LRP2: variants seen among roughly 807,000 people sequenced by gnomAD.
The protein encoded by LRP2 is LDL receptor related protein 2.
A neutral mutation model predicts 531.0 loss-of-function variants in LRP2; 172 were observed. The ratio of observed to expected loss-of-function variants is 0.32; its 90% CI spans 0.29 to 0.37. LRP2 has a LOEUF of 0.37. LRP2 is among the 10% of genes least tolerant of loss of function. The probability of loss-of-function intolerance (pLI) is 1.00; values close to 1 mark genes in which losing one functional copy is unlikely to be tolerated. For missense variants in LRP2, 5,167 were observed against 5,868.3 expected (o/e 0.88, Z 3.90); for synonymous variants, 1,992 against 2,027.6 (o/e 0.98, Z 0.47).
At chr2:169,310,478 G>A (rs1684562399) in intron 3 of LRP2, among the ~76,000 whole-genome samples, 2 of 152,098 alleles carry the variant, frequency 1.3e-5, no homozygotes, top group South Asian at 4.1e-4. Flanking sequence ...TTTGTCTTTG[G>A]TTCTGTTTAT....
At chr2:169,143,424 C>T (rs769625089) in intron 70 of LRP2, among the ~76,000 whole-genome samples, 22 of 152,130 alleles carry the variant, frequency 1.4e-4, no homozygotes, top group Admixed American at 3.3e-4. Flanking sequence ...GGGCGGATCA[C>T]GAGGTCAGGA....
At chr2:169,350,279 T>C (rs953602234) in intron 1 of LRP2, among the ~76,000 whole-genome samples, 9 of 152,136 alleles carry the variant, frequency 5.9e-5, no homozygotes, top group African/African-American at 2.2e-4. Flanking sequence ...ATTTCAGACA[T>C]GTGAAGTCTG....
Position 169,206,004 on chromosome 2 carries a change from A to G in LRP2, c.7556+19T>C, listed in dbSNP as rs746189818. Reference sequence around the variant, plus strand: ...AGAAATAAGCAGACAGAAATATAACAAGGAAGATGATGGCATACCCTTGGC... The same window carrying G: ...AGAAATAAGCAGACAGAAATATAACGAGGAAGATGATGGCATACCCTTGGC... On this transcript the variant is annotated intron_variant, in intron 40 of 78. Transcript: ENST00000649046. 4 of 1,614,200 alleles carry G rather than the reference A, an allele frequency of 2.5e-6. No homozygotes were observed. The South Asian group carries it at 3.3e-5, about 13-fold the overall frequency.
intron 33 of LRP2, among the ~76,000 whole-genome samples, chr2:169,224,247 C>T (rs921351167): frequency 6.6e-6 from 1 of 152,234 alleles, no homozygotes; most frequent in Non-Finnish European, 1.5e-5. Context: ...ATTGTCAGGG[C>T]TCTGCTAACT....
intron 1 of LRP2, among the ~76,000 whole-genome samples, chr2:169,328,020 G>C (rs1334922633): frequency 3.6e-5 from 5 of 139,906 alleles, no homozygotes; most frequent in Admixed American, 6.8e-5. Flanking sequence ...AGGTGGGGGG[G>C]GGTCAGCCCC....
intron 22 of LRP2, 31 bp downstream of exon 22, chr2:169,244,662 A>G: frequency 1.2e-6 from 2 of 1,614,142 alleles, no homozygotes; most frequent in Non-Finnish European, 1.7e-6. Flanking sequence ...TACGAGGCTG[A>G]CCAACCAAGG....
At chr2:169,225,879 T>G (rs1242090627) in intron 32 of LRP2, among the ~76,000 whole-genome samples, 1 of 152,174 alleles carries the variant, frequency 6.6e-6, no homozygotes, top group Non-Finnish European at 1.5e-5. Context: ...CTGAAGAAAA[T>G]GACCTCTGAG....
intron 65 of LRP2, 59 bp downstream of exon 65, chr2:169,156,215 G>A: frequency 6.2e-7 from 1 of 1,605,018 alleles, no homozygotes; most frequent in Admixed American, 1.7e-5. Context: ...ATCGTATAGT[G>A]TACTTAGCAG....
chr2:169,179,899 C>T (rs567212303), intron 52 of LRP2, among the ~76,000 whole-genome samples: 3 of 151,942 alleles, frequency 2.0e-5, no homozygotes, highest in Non-Finnish European at 4.4e-5. Context: ...TTTAACATGG[C>T]TCATGAATAT....
intron 4 of LRP2, 86 bp downstream of exon 4, chr2:169,307,195 T>C (rs2105492097): frequency 5.6e-6 from 5 of 897,420 alleles, no homozygotes; most frequent in African/African-American, 3.3e-5. Flanking sequence ...GGCATTTATG[T>C]CCATCAACAA....
At chr2:169,177,578 T>G (rs1321894010) in intron 53 of LRP2, among the ~76,000 whole-genome samples, 1 of 152,004 alleles carries the variant, frequency 6.6e-6, no homozygotes, top group Admixed American at 6.6e-5. Flanking sequence ...TCTTGAAGAA[T>G]TGAGCGAGTT....
At chr2:169,239,003 C>T (rs1329882746) in intron 26 of LRP2, among the ~76,000 whole-genome samples, 1 of 152,220 alleles carries the variant, frequency 6.6e-6, no homozygotes, top group Non-Finnish European at 1.5e-5. Flanking sequence ...ATGTAAGCCA[C>T]ATGATGAGGA....
At chr2:169,302,588 T>C (rs752883318) in intron 4 of LRP2, among the ~76,000 whole-genome samples, 2 of 152,062 alleles carry the variant, frequency 1.3e-5, no homozygotes, top group Non-Finnish European at 2.9e-5. Flanking sequence ...AACTGTCCGG[T>C]CCCAAATGTC....
chr2:169,137,215 T>C (rs924177819), intron 76 of LRP2, among the ~76,000 whole-genome samples, 177 bp downstream of exon 76: 1 of 152,264 alleles, frequency 6.6e-6, no homozygotes, highest in Non-Finnish European at 1.5e-5. Flanking sequence ...CTGATTGTTT[T>C]CAGGTCTTAT....
intron 25 of LRP2, 148 bp downstream of exon 25, chr2:169,240,840 T>C (rs1689777198): frequency 1.1e-6 from 1 of 905,852 alleles, no homozygotes. Flanking sequence ...TTGAATTCAA[T>C]TATGGTTACC....
intron 13 of LRP2, among the ~76,000 whole-genome samples, chr2:169,276,858 AAGTTGT>A (rs1683568602): frequency 1.3e-5 from 2 of 152,090 alleles, no homozygotes; most frequent in South Asian, 4.1e-4. Context: ...TTTTTACATT[AAGTTGT>A]AGTTAGCTCT....
Position 169,216,124 on chromosome 2 carries a change from G to A in LRP2, c.5826+129C>T, listed in dbSNP as rs979671402. The A allele has an allele frequency of 2.2e-5, 21 of 945,312 alleles. No homozygotes were observed. In the Admixed American group the frequency reaches 3.5e-4, roughly 16 times the overall value. The allele number at this position is 945,312 out of a possible 1,614,324, so 58.6% of individuals were successfully genotyped here. A position where few individuals can be genotyped will look rare whatever the true frequency, so the allele number is the denominator to read the frequency against. Reference sequence around the variant, plus strand: ...AAGGGAGAGAAGTTATTGGGAGAAGGGGCAATGAAACACTGGTACAAGTTA... The same window carrying A: ...AAGGGAGAGAAGTTATTGGGAGAAGAGGCAATGAAACACTGGTACAAGTTA... On this transcript the variant is annotated intron_variant, in intron 35 of 78. Coordinates refer to ENST00000649046, the MANE Select transcript of LRP2 (RefSeq NM_004525.3).
rs117320332 is a variant in LRP2 at position 169,306,954 on chromosome 2, T to A, written c.427+327A>T. On this transcript the variant is annotated intron_variant, in intron 4 of 78. Coordinates refer to ENST00000649046, the MANE Select transcript of LRP2 (RefSeq NM_004525.3). ...CTAGAAACTTACTATAGCTGTGTAA[T>A]AACAGTTAAAATTTACCAAACTTGA... Among the ~76,000 whole-genome samples the A allele has an allele frequency of 1.2e-4, 19 of 152,342 alleles. No individual in the cohort carries two copies. In the East Asian group the frequency reaches 3.5e-3, roughly 28 times the overall value.
intron 65 of LRP2, 76 bp downstream of exon 65, chr2:169,156,198 T>C: frequency 6.3e-7 from 1 of 1,576,696 alleles, no homozygotes; most frequent in Non-Finnish European, 8.7e-7. Flanking sequence ...AAGCTGAAGT[T>C]TCTTTCATCG....
Sources: gnomAD v4.1 joint callset for allele counts (sites outside exome capture counted in the v4.1 genomes callset) on GRCh38, gnomAD v4.1.1 for gene constraint, MANE v1.5 for transcripts, NCBI Gene and HGNC (gene_info 2026-07-23, HGNC 2026-07-21) for gene names.